The following ADAMTS20 variants were observed in gnomAD, a reference collection of about 807,000 sequenced individuals.
The protein encoded by ADAMTS20 is A disintegrin and metalloproteinase with thrombospondin motifs 20.
Under a neutral mutation model 260.1 loss-of-function variants are expected in ADAMTS20, and 225 were observed. The ratio of observed to expected loss-of-function variants is 0.87; its 90% CI spans 0.78 to 0.97. The LOEUF (loss-of-function observed/expected upper bound fraction) is 0.97, where lower values mean the gene tolerates loss of function less well. Ranked by LOEUF, ADAMTS20 falls within the 50% of genes least tolerant of loss-of-function variation. The pLI, the probability that ADAMTS20 is intolerant of heterozygous loss-of-function variation, is 0.00. For missense variants in ADAMTS20, 2,400 were observed against 2,337.7 expected (o/e 1.03, Z -0.55); for synonymous variants, 802 against 769.5 (o/e 1.04, Z -0.70).
rs554875259 is a variant in ADAMTS20 at position 43,461,354 on chromosome 12, C to T, written c.1614+1541G>A. 7.7e-4 allele frequency among the ~76,000 whole-genome samples: 117 copies of T among 152,132 alleles called. 1 individual carries two copies. The highest frequency in any genetic ancestry group is 2.8e-3 in the African/African-American group (115 of 41,522). On this transcript the variant is annotated intron_variant, in intron 11 of 38. Transcript: ENST00000389420. ...TTTATTGGGATGTTGGCTGTATGTG[C>T]ATCCACATTTGTTAAAATCCATCAA...
intron 28 of ADAMTS20, among the ~76,000 whole-genome samples, chr12:43,407,923 A>G (rs981063911): frequency 6.6e-6 from 1 of 152,190 alleles, no homozygotes; most frequent in African/African-American, 2.4e-5. Context: ...CTTTGTATGT[A>G]CTACAAAGGG....
Position 43,551,681 on chromosome 12 carries a change from CCT to C in ADAMTS20, c.91+148_91+149del. On this transcript the variant is annotated intron_variant, in intron 1 of 38. Transcript: ENST00000389420. The surrounding 1 kb of genome is among the most constrained non-coding windows in gnomAD (Gnocchi z 4.6). ...TCCTCGAAACCCGGCGCAGTCGCGA[CCT>C]CTCCGGCTGACTGGTCCGGGAGTCC... 1 of 822,096 alleles carries C rather than the reference CCT, an allele frequency of 1.2e-6. No homozygotes were observed. The highest frequency in any genetic ancestry group is 1.9e-6 in the Non-Finnish European group (1 of 516,712). The allele number at this position is 822,096 out of a possible 1,614,324, so 50.9% of individuals were successfully genotyped here. A position where few individuals can be genotyped will look rare whatever the true frequency, so the allele number is the denominator to read the frequency against.
chr12:43,434,773 A>G (rs114431353), intron 18 of ADAMTS20, among the ~76,000 whole-genome samples: 2,087 of 152,220 alleles, frequency 0.014, 55 homozygotes, highest in African/African-American at 0.048. Flanking sequence ...GCACATCTCT[A>G]TTGCTGCAAT....
chr12:43,545,782 T>C (rs76182429), intron 2 of ADAMTS20, among the ~76,000 whole-genome samples: 1 of 152,036 alleles, frequency 6.6e-6, no homozygotes, highest in Non-Finnish European at 1.5e-5. Context: ...CCTTTTTTTT[T>C]CCTATGTAAG....
chr12:43,465,295 A>C (rs1489356426), intron 9 of ADAMTS20, among the ~76,000 whole-genome samples: 1 of 151,990 alleles, frequency 6.6e-6, no homozygotes, highest in Non-Finnish European at 1.5e-5. Context: ...GTTCCCATCA[A>C]TTCCTAAGAT....
intron 7 of ADAMTS20, among the ~76,000 whole-genome samples, chr12:43,487,869 A>G (rs1222579351): frequency 1.3e-5 from 2 of 152,320 alleles, no homozygotes; most frequent in African/African-American, 4.8e-5. Flanking sequence ...ATGGATAAAT[A>G]GCAAATATGG....
At chr12:43,481,905 CA>C (rs1275305719) in intron 7 of ADAMTS20, among the ~76,000 whole-genome samples, 6 of 152,100 alleles carry the variant, frequency 3.9e-5, no homozygotes, top group Non-Finnish European at 1.5e-5. Context: ...CAATGGGCAA[CA>C]GCCTACATCA....
intron 29 of ADAMTS20, among the ~76,000 whole-genome samples, chr12:43,394,669 T>C (rs1024462335): frequency 1.3e-5 from 2 of 152,116 alleles, no homozygotes; most frequent in African/African-American, 4.8e-5. Context: ...GAACTTCATG[T>C]GTCCTTCTTG....
chr12:43,522,815 A>G (rs764857768), intron 3 of ADAMTS20, among the ~76,000 whole-genome samples: 2 of 152,252 alleles, frequency 1.3e-5, no homozygotes, highest in African/African-American at 2.4e-5. Context: ...TCTGATATCT[A>G]TTTGAGAGCC....
Position 43,460,982 on chromosome 12 carries a change from A to ATTT in ADAMTS20, c.1614+1912_1614+1913insAAA, listed in dbSNP as rs1421154662. 6.6e-3 allele frequency among the ~76,000 whole-genome samples: 283 copies of ATTT among 42,574 alleles called. 3 individuals are homozygous for ATTT. The highest frequency in any genetic ancestry group is 0.011 in the Non-Finnish European group (230 of 21,634). The allele number at this position is 42,574 out of a possible 152,430, so 27.9% of individuals were successfully genotyped here. A position where few individuals can be genotyped will look rare whatever the true frequency, so the allele number is the denominator to read the frequency against. On this transcript the variant is annotated intron_variant, in intron 11 of 38. Coordinates refer to ENST00000389420, the MANE Select transcript of ADAMTS20 (RefSeq NM_025003.5). ...AACTAAATTATATATATATATATAT[A>ATTT]TATATATTTTTTTTTTTTTTTTTTT...
At chr12:43,446,036 C>T (rs1941753984) in intron 15 of ADAMTS20, among the ~76,000 whole-genome samples, 1 of 152,026 alleles carries the variant, frequency 6.6e-6, no homozygotes, top group African/African-American at 2.4e-5. Context: ...ATATGTGATC[C>T]AGATACTGCC....
intron 27 of ADAMTS20, among the ~76,000 whole-genome samples, chr12:43,426,350 A>G (rs76828672): frequency 0.012 from 1,865 of 152,216 alleles, 16 homozygotes; most frequent in Middle Eastern, 0.031. Flanking sequence ...GGAAAACAGT[A>G]AAACTGTATC....
intron 28 of ADAMTS20, among the ~76,000 whole-genome samples, chr12:43,404,294 G>T (rs574591573): frequency 1.9e-4 from 29 of 151,586 alleles, no homozygotes; most frequent in African/African-American, 6.8e-4. Context: ...TTACAAGGAG[G>T]AAATAATACC....
intron 31 of ADAMTS20, among the ~76,000 whole-genome samples, chr12:43,382,204 T>C (rs953259883): frequency 3.9e-5 from 6 of 152,192 alleles, no homozygotes; most frequent in Admixed American, 2.6e-4. Flanking sequence ...AACAGCATTA[T>C]TGAAACGTCA....
intron 7 of ADAMTS20, among the ~76,000 whole-genome samples, chr12:43,479,110 A>G (rs1942402974): frequency 6.6e-6 from 1 of 152,216 alleles, no homozygotes; most frequent in Non-Finnish European, 1.5e-5. Context: ...GAGTGACAAC[A>G]GCTCAGACAC....
At chr12:43,415,217 G>A (rs773254182) in intron 28 of ADAMTS20, among the ~76,000 whole-genome samples, 3 of 152,082 alleles carry the variant, frequency 2.0e-5, no homozygotes, top group African/African-American at 7.2e-5. Context: ...ACTGCAAGGC[G>A]GGATGTGGGG....
At chr12:43,438,142 T>C (rs1941592504) in intron 18 of ADAMTS20, among the ~76,000 whole-genome samples, 1 of 152,198 alleles carries the variant, frequency 6.6e-6, no homozygotes, top group Non-Finnish European at 1.5e-5. Context: ...CTGCACGCGA[T>C]TGTTTAAGAG....
chr12:43,404,700 T>C (rs1592051059), intron 28 of ADAMTS20, among the ~76,000 whole-genome samples: 1 of 152,142 alleles, frequency 6.6e-6, no homozygotes, highest in Admixed American at 6.6e-5. Flanking sequence ...TCTAAGAGTA[T>C]CAAAACTAAT....
chr12:43,411,211 G>C (rs1273488977), intron 28 of ADAMTS20, among the ~76,000 whole-genome samples: 3 of 152,034 alleles, frequency 2.0e-5, no homozygotes, highest in Admixed American at 2.0e-4. Flanking sequence ...CTATCCTTTA[G>C]TCTTCAAAAT....
Sources: gnomAD v4.1 joint callset for allele counts (sites outside exome capture counted in the v4.1 genomes callset) on GRCh38, gnomAD v4.1.1 for gene constraint, Gnocchi (gnomAD v3.1) non-coding constraint, MANE v1.5 for transcripts, NCBI Gene and HGNC (gene_info 2026-07-23, HGNC 2026-07-21) for gene names.